PALD1: variants seen among roughly 807,000 people sequenced by gnomAD.
The protein encoded by PALD1 is paladin.
In PALD1, 57 loss-of-function variants were observed where a neutral mutation model predicts 96.0. The ratio of observed to expected loss-of-function variants is 0.59; its 90% CI spans 0.48 to 0.74. The LOEUF (loss-of-function observed/expected upper bound fraction) is 0.74. Ranked by LOEUF, PALD1 falls within the 30% of genes least tolerant of loss-of-function variation. The pLI, the probability that PALD1 is intolerant of heterozygous loss-of-function variation, is 0.00. For synonymous variants in PALD1, 464 were observed against 473.6 expected, an observed-to-expected ratio of 0.98 and a Z score of 0.26; for missense variants, 1,063 against 1,143.7, an observed-to-expected ratio of 0.93 and a Z score of 1.02.
At position 70,534,786 on chromosome 10, in the gene PALD1, A is replaced by G; in HGVS notation, c.1170A>G (p.Glu390=). 1 of 1,612,822 alleles carries G rather than the reference A, an allele frequency of 6.2e-7. No individual in the cohort carries two copies. The highest frequency in any genetic ancestry group is 8.5e-7 in the Non-Finnish European group (1 of 1,179,424). The part of the protein sequence containing the change: ...TACAELHDLK[E]VVLENQKKLE... ...GTGCCGAGTTGCATGACCTGAAAGA[A>G]GTGGTCTTGGAAAACCAGAAGAAGT... is the stretch of plus-strand genomic sequence containing the variant. The change falls in exon 10 of 20, where the codon GAA becomes GAG. Residue 390 remains glutamate (E), a synonymous_variant. Transcript: ENST00000263563.
chr10:70,539,434 G>C lies in PALD1; in HGVS notation c.1726-146G>C, dbSNP rs907464770. On this transcript the variant is annotated intron_variant, in intron 14 of 19. Coordinates refer to ENST00000263563, the MANE Select transcript of PALD1 (RefSeq NM_014431.3). The surrounding 1 kb of genome is among the most constrained non-coding windows in gnomAD (Gnocchi z 4.5). ...GCTCTGCTAACCTGCTTGGCTTTGG[G>C]GGGTGGCTGTGACCCCTGAGGCTTG... 4.9e-6 allele frequency: 5 copies of C among 1,011,580 alleles called. No individual in the cohort carries two copies. Among genetic ancestry groups the C allele is most frequent in the African/African-American group, 3.3e-5 (2 of 61,526 alleles). 62.7% of individuals were successfully genotyped at this position (1,011,580 alleles called of 1,614,324 possible).
chr10:70,541,432 G>A, intron 16 of PALD1, 31 bp from the exon 17 acceptor site: 1 of 1,606,416 alleles, frequency 6.2e-7, no homozygotes, highest in Non-Finnish European at 8.5e-7. Context: ...GTTGGGAGGG[G>A]GCTTCTGTCT....
chr10:70,560,708 G>C (rs1385427620), intron 18 of PALD1, among the ~76,000 whole-genome samples: 5 of 151,970 alleles, frequency 3.3e-5, no homozygotes, highest in African/African-American at 1.2e-4. Context: ...TGCTGGCACT[G>C]CTGGGCTGCC....
chr10:70,553,623 T>G lies in PALD1; in HGVS notation c.2262+6177T>G, dbSNP rs181185684. Among the ~76,000 whole-genome samples, 54 of 152,292 alleles carry G rather than the reference T, an allele frequency of 3.5e-4. 1 individual carries two copies. The highest frequency in any genetic ancestry group is 3.1e-3 in the East Asian group (16 of 5,176). On this transcript the variant is annotated intron_variant, in intron 18 of 19. Coordinates refer to ENST00000263563, the MANE Select transcript of PALD1 (RefSeq NM_014431.3). The stretch of plus-strand genomic sequence containing the variant: ...TGATAAAGGGTGTTCTAATGTTGGT[T>G]CCGGTTTTACATTTGAGGAGGGAGG...
In PALD1 at chr10:70,566,978, G is replaced by T; in HGVS notation, c.*245G>T. 1 of 513,430 alleles carries T rather than the reference G, an allele frequency of 1.9e-6. No individual in the cohort carries two copies. Among genetic ancestry groups the T allele is most frequent in the African/African-American group, 1.9e-5 (1 of 51,526 alleles). The allele number at this position is 513,430 out of a possible 1,614,324, so 31.8% of individuals were successfully genotyped here. ...GACCTCCAGGGAGGAGCACTCACTG[G>T]AGTGCTCACAAGGTGCACACTGCTG... is the stretch of plus-strand genomic sequence containing the variant. On this transcript the variant is annotated 3_prime_UTR_variant, in exon 20 of 20. Coordinates refer to ENST00000263563, the MANE Select transcript of PALD1 (RefSeq NM_014431.3).
intron 17 of PALD1, among the ~76,000 whole-genome samples, chr10:70,544,551 T>A (rs7100505): frequency 1.4e-3 from 220 of 151,978 alleles, no homozygotes; most frequent in African/African-American, 5.0e-3. Flanking sequence ...CAGTCCTCAT[T>A]GGTAGGTCTT....
chr10:70,504,172 G>A (rs74454870), intron 1 of PALD1, among the ~76,000 whole-genome samples: 1 of 152,242 alleles, frequency 6.6e-6, no homozygotes, highest in East Asian at 1.9e-4. Context: ...AAGAGCTTTT[G>A]TGTGGCTTGT....
chr10:70,542,215 G>T (rs1269852975), intron 17 of PALD1, among the ~76,000 whole-genome samples: 1 of 152,204 alleles, frequency 6.6e-6, no homozygotes, highest in Non-Finnish European at 1.5e-5. Flanking sequence ...TGCATATGCG[G>T]TGCCTTCTCC....
chr10:70,478,985 A>G lies in PALD1; in HGVS notation c.-104A>G. The G allele has an allele frequency of 6.6e-6, 1 of 151,976 alleles. No homozygotes were observed. Among genetic ancestry groups the G allele is most frequent in the Non-Finnish European group, 1.5e-5 (1 of 67,976 alleles). The allele number at this position is 151,976 out of a possible 1,614,324, so 9.4% of individuals were successfully genotyped here. A position where few individuals can be genotyped will look rare whatever the true frequency, so the allele number is the denominator to read the frequency against. On this transcript the variant is annotated 5_prime_UTR_variant, in exon 1 of 20. Transcript: ENST00000263563. ...GCCGGGCGCGCCCCGTCGCTGCCTG[A>G]CTCGGCGCCCGCAGTTCGGGCGCAG...
At chr10:70,503,910 C>T (rs1043676681) in intron 1 of PALD1, among the ~76,000 whole-genome samples, 2 of 152,156 alleles carry the variant, frequency 1.3e-5, no homozygotes, top group Admixed American at 6.6e-5. Context: ...TTCTTTTATC[C>T]TTCCGCACTT....
intron 6 of PALD1, 45 bp downstream of exon 6, chr10:70,532,826 C>T: frequency 6.2e-7 from 1 of 1,601,160 alleles, no homozygotes; most frequent in Non-Finnish European, 8.5e-7. Flanking sequence ...TGCTCCAGGT[C>T]CTGCTCTCCA....
chr10:70,471,476 C>G, the PALD1 span, among the ~76,000 whole-genome samples: 1 of 152,214 alleles, frequency 6.6e-6, no homozygotes, highest in Non-Finnish European at 1.5e-5. Context: ...TTGTCCATGT[C>G]CATCTCTGAA....
At chr10:70,480,193 TC>T (rs1387550472) in intron 1 of PALD1, among the ~76,000 whole-genome samples, 6 of 152,202 alleles carry the variant, frequency 3.9e-5, no homozygotes, top group Non-Finnish European at 1.5e-5. Flanking sequence ...CCCCACCCAC[TC>T]CCAGGTTTGT....
the PALD1 span, among the ~76,000 whole-genome samples, chr10:70,471,559 C>T: frequency 3.8e-3 from 578 of 152,314 alleles, 5 homozygotes; most frequent in African/African-American, 0.011. Flanking sequence ...AATAGCTGCA[C>T]GGTGTTCCTA....
chr10:70,538,437 G>C (rs1847160949), intron 12 of PALD1, 29 bp downstream of exon 12: 1 of 1,604,470 alleles, frequency 6.2e-7, no homozygotes, highest in East Asian at 2.2e-5. Context: ...CGGAGAAGTG[G>C]GCATGGCTGT....
upstream of PALD1, among the ~76,000 whole-genome samples, chr10:70,476,614 C>T (rs190036062): frequency 1.5e-4 from 23 of 152,246 alleles, no homozygotes; most frequent in Non-Finnish European, 2.5e-4. Context: ...CCAGCTGAAC[C>T]CTGAGGCTAA....
In PALD1 at chr10:70,539,487, A is replaced by C; in HGVS notation, c.1726-93A>C. Reference sequence around the variant, plus strand: ...GGGGTCAGGGATGGGACTGGAAGCCAGGGCCAGGCCTGGCCATGGCAGGCT... The same window carrying C: ...GGGGTCAGGGATGGGACTGGAAGCCCGGGCCAGGCCTGGCCATGGCAGGCT... On this transcript the variant is annotated intron_variant, in intron 14 of 19. Transcript: ENST00000263563. The surrounding 1 kb of genome is among the most constrained non-coding windows in gnomAD (Gnocchi z 4.5). 8.0e-6 allele frequency: 10 copies of C among 1,257,726 alleles called. No homozygotes were observed. Among genetic ancestry groups the C allele is most frequent in the Non-Finnish European group, 1.1e-5 (10 of 924,342 alleles). The allele number at this position is 1,257,726 out of a possible 1,614,324, so 77.9% of individuals were successfully genotyped here. A position where few individuals can be genotyped will look rare whatever the true frequency, so the allele number is the denominator to read the frequency against.
chr10:70,500,177 G>A (rs141330359), intron 1 of PALD1, among the ~76,000 whole-genome samples: 1 of 152,276 alleles, frequency 6.6e-6, no homozygotes, highest in East Asian at 1.9e-4. Flanking sequence ...ACCTTGGCAC[G>A]TGGTACTATT....
chr10:70,484,632 G>A (rs745872255), intron 1 of PALD1, among the ~76,000 whole-genome samples: 7 of 151,382 alleles, frequency 4.6e-5, no homozygotes, highest in African/African-American at 1.7e-4. Flanking sequence ...TCCGCCTCCC[G>A]GGTTCAAGCG....
Sources: gnomAD v4.1 joint callset for allele counts (sites outside exome capture counted in the v4.1 genomes callset) on GRCh38, gnomAD v4.1.1 for gene constraint, Gnocchi (gnomAD v3.1) non-coding constraint, MANE v1.5 for transcripts, NCBI Gene and HGNC (gene_info 2026-07-23, HGNC 2026-07-21) for gene names.